GTF2E2: variants seen among roughly 807,000 people sequenced by gnomAD.
GTF2E2 encodes general transcription factor IIE subunit 2.
A neutral mutation model predicts 40.5 loss-of-function variants in GTF2E2; 21 were observed. That is an observed-to-expected ratio of 0.52 (90% confidence interval 0.37 to 0.75). The LOEUF (loss-of-function observed/expected upper bound fraction) is 0.75, where lower values mean the gene tolerates loss of function less well. GTF2E2 is among the 30% of genes least tolerant of loss of function. GTF2E2 has a pLI of 0.00. For missense variants in GTF2E2, 298 were observed against 338.4 expected, an observed-to-expected ratio of 0.88 and a Z score of 0.94; for synonymous variants, 117 against 121.6, an observed-to-expected ratio of 0.96 and a Z score of 0.25.
chr8:30,579,082 G>C (rs781459162), intron 7 of GTF2E2, 45 bp from the exon 8 acceptor site: 2 of 986,258 alleles, frequency 2.0e-6, no homozygotes, highest in Non-Finnish European at 3.3e-6. Context: ...GCTGCTCTGA[G>C]GGGTGGTGTG....
chr8:30,609,372 C>T (rs1183428100), intron 5 of GTF2E2, among the ~76,000 whole-genome samples: 1 of 151,528 alleles, frequency 6.6e-6, no homozygotes, highest in Non-Finnish European at 1.5e-5. Context: ...ATGAAAATAT[C>T]CCAAAATTTG....
At position 30,592,128 on chromosome 8, in the gene GTF2E2, A is replaced by G. The variant is rs1828867243; in HGVS notation, c.644-11732T>C. 2.0e-5 allele frequency among the ~76,000 whole-genome samples: 3 copies of G among 152,140 alleles called. No homozygotes were observed. The South Asian group carries it at 6.2e-4, about 31-fold the overall frequency. On this transcript the variant is annotated intron_variant, in intron 6 of 7. Coordinates refer to ENST00000355904, the MANE Select transcript of GTF2E2 (RefSeq NM_002095.6). Reference sequence around the variant, plus strand: ...TGTGGTGGCTCACATCTGTAATCCTAGCACTCTGGGAAGCTGAGGTAGGCA... The same window carrying G: ...TGTGGTGGCTCACATCTGTAATCCTGGCACTCTGGGAAGCTGAGGTAGGCA...
At chr8:30,585,579 T>G (rs545557091) in intron 6 of GTF2E2, among the ~76,000 whole-genome samples, 1 of 152,234 alleles carries the variant, frequency 6.6e-6, no homozygotes, top group South Asian at 2.1e-4. Context: ...ATTTTTTTGT[T>G]CTGCAGACTT....
chr8:30,653,513 G>C lies in GTF2E2; in HGVS notation c.86C>G (p.Ser29Cys), dbSNP rs1802355503. ...CTTTGACGATGATGATGATGACTCA[G>C]AAGATGCTGAACGTTTTTCTACTAC... ...TPVVEKRSAS[S>C]ESSSSSSKKK... is the part of the protein sequence containing the mutation. Residue 29 changes from serine to cysteine, a missense_variant, in exon 2 of 8, where the codon TCT becomes TGT. Transcript: ENST00000355904. 2 of 1,613,160 alleles carry C rather than the reference G, an allele frequency of 1.2e-6. No individual in the cohort carries two copies. Among genetic ancestry groups the C allele is most frequent in the South Asian group, 2.2e-5 (2 of 91,054 alleles).
intron 3 of GTF2E2, among the ~76,000 whole-genome samples, chr8:30,621,797 C>T (rs1453734537): frequency 1.3e-5 from 2 of 151,928 alleles, no homozygotes; most frequent in Non-Finnish European, 1.5e-5. Context: ...TTCTTCCTTT[C>T]CAATTTTTAT....
intron 3 of GTF2E2, among the ~76,000 whole-genome samples, chr8:30,624,542 T>A (rs1801211440): frequency 6.6e-6 from 1 of 152,170 alleles, no homozygotes; most frequent in Admixed American, 6.5e-5. Context: ...TTTCCAATTC[T>A]GTGAAGAAAG....
At chr8:30,635,464 C>T (rs555261585) in intron 2 of GTF2E2, among the ~76,000 whole-genome samples, 1 of 152,022 alleles carries the variant, frequency 6.6e-6, no homozygotes, top group Non-Finnish European at 1.5e-5. Flanking sequence ...CTCACTACAC[C>T]CTCAACTTCC....
intron 7 of GTF2E2, 112 bp from the exon 8 acceptor site, chr8:30,579,149 C>T: frequency 1.4e-6 from 1 of 702,708 alleles, no homozygotes; most frequent in South Asian, 1.5e-5. Flanking sequence ...AGGTTCGGAC[C>T]CTTCTCCTGC....
intron 2 of GTF2E2, among the ~76,000 whole-genome samples, chr8:30,641,093 T>C (rs1801806689): frequency 6.6e-6 from 1 of 152,172 alleles, no homozygotes; most frequent in Non-Finnish European, 1.5e-5. Flanking sequence ...CTACCACACT[T>C]TGAAAGAACA....
At chr8:30,587,782 G>T (rs542344044) in intron 6 of GTF2E2, among the ~76,000 whole-genome samples, 1 of 143,290 alleles carries the variant, frequency 7.0e-6, no homozygotes, top group Admixed American at 7.3e-5. Context: ...TGAGGCAGGA[G>T]AATTGCTTGA....
intron 6 of GTF2E2, among the ~76,000 whole-genome samples, chr8:30,583,820 T>C (rs1348489738): frequency 6.6e-6 from 1 of 152,048 alleles, no homozygotes; most frequent in Non-Finnish European, 1.5e-5. Context: ...ATTTTATTTA[T>C]TTTGAGATGG....
intron 6 of GTF2E2, among the ~76,000 whole-genome samples, chr8:30,596,698 C>T (rs76426392): frequency 6.6e-6 from 1 of 151,242 alleles, no homozygotes; most frequent in Non-Finnish European, 1.5e-5. Flanking sequence ...GCCTCAAAAA[C>T]TTTTTTGAAA....
At chr8:30,606,101 A>G (rs186225478) in intron 6 of GTF2E2, among the ~76,000 whole-genome samples, 47 of 152,378 alleles carry the variant, frequency 3.1e-4, no homozygotes, top group Admixed American at 2.9e-3. Flanking sequence ...AATGGATAGC[A>G]TAAGTTCACT....
chr8:30,645,270 C>CT, intron 2 of GTF2E2: 1 of 1,500,308 alleles, frequency 6.7e-7, no homozygotes, highest in Non-Finnish European at 8.8e-7. Flanking sequence ...CATTTTCTAC[C>CT]TTTTTTATAG....
chr8:30,611,167 G>C (rs1829464796), intron 5 of GTF2E2, among the ~76,000 whole-genome samples: 1 of 152,150 alleles, frequency 6.6e-6, no homozygotes, highest in Admixed American at 6.5e-5. Flanking sequence ...CCTGCTGTAG[G>C]GCAGACAAGG....
At position 30,653,573 on chromosome 8, in the gene GTF2E2, CT is replaced by C. The variant is rs1278489856; in HGVS notation, c.25del (p.Arg9GlyfsTer13). 1 of 1,613,102 alleles carries C rather than the reference CT, an allele frequency of 6.2e-7. No homozygotes were observed. The highest frequency in any genetic ancestry group is 8.5e-7 in the Non-Finnish European group (1 of 1,179,506). MDPSLLRE[R>X]ELFKKRALST... is the part of the protein sequence containing the mutation. ...AAGAGCTCGTTTTTTGAACAGCTCC[CT>C]TTCTCTCAACAGGCTTGGATCCATA... On this transcript the variant is annotated frameshift_variant, in exon 2 of 8. Transcript: ENST00000355904. LOFTEE classifies it high-confidence loss of function.
At chr8:30,623,681 T>C (rs1420325545) in intron 3 of GTF2E2, among the ~76,000 whole-genome samples, 2 of 152,002 alleles carry the variant, frequency 1.3e-5, no homozygotes, top group South Asian at 2.1e-4. Flanking sequence ...GCACCTGTTG[T>C]TTCCTGACTT....
At chr8:30,644,874 C>A (rs1802008161) in intron 2 of GTF2E2, among the ~76,000 whole-genome samples, 1 of 152,046 alleles carries the variant, frequency 6.6e-6, no homozygotes, top group Non-Finnish European at 1.5e-5. Flanking sequence ...GCTTAGCCTC[C>A]CAAGCAGCTG....
At chr8:30,656,781 C>T (rs1471440901) in intron 1 of GTF2E2, 3 of 135,960 alleles carry the variant, frequency 2.2e-5, no homozygotes, top group African/African-American at 8.3e-5. Flanking sequence ...GCACTCCAGC[C>T]CGGGCGACAG....
Sources: gnomAD v4.1 joint callset for allele counts (sites outside exome capture counted in the v4.1 genomes callset) on GRCh38, gnomAD v4.1.1 for gene constraint, MANE v1.5 for transcripts, NCBI Gene and HGNC (gene_info 2026-07-23, HGNC 2026-07-21) for gene names.